The following GNAI2 variants were observed in gnomAD, a reference collection of about 807,000 sequenced individuals.
GNAI2 encodes the protein guanine nucleotide-binding protein G(i) subunit alpha-2.
GNAI2 carries 4 observed loss-of-function variants against 36.8 expected under a neutral mutation model. That is an observed-to-expected ratio of 0.11 (90% CI 0.05 to 0.25). The LOEUF is 0.25. GNAI2 is among the 10% of genes least tolerant of loss of function. The pLI is 1.00. For synonymous variants in GNAI2, 194 were observed against 194.1 expected, an observed-to-expected ratio of 1.00 and a Z score of 0.01; for missense variants, 230 against 481.3, an observed-to-expected ratio of 0.48 and a Z score of 4.89.
chr3:50,244,368 C>T (rs587632520), intron 1 of GNAI2, among the ~76,000 whole-genome samples: 10 of 152,208 alleles, frequency 6.6e-5, no homozygotes, highest in East Asian at 3.9e-4. Context: ...TCTCCTAGTC[C>T]GTATCCTCTC....
chr3:50,246,196 G>T (rs1553701754), intron 1 of GNAI2, among the ~76,000 whole-genome samples: 1 of 152,230 alleles, frequency 6.6e-6, no homozygotes, highest in African/African-American at 2.4e-5. Flanking sequence ...CGTTGCCATG[G>T]TTTCTGTGTG....
Position 50,236,480 on chromosome 3 carries a change from C to T in GNAI2, c.118+27C>T, listed in dbSNP as rs1553700410. ...TGAGGCCGCGTCCCGCACTGGGATCCTTGATTCCCAGCTCGAATCCCCAGA... is the reference window on the plus strand; with the variant it reads ...TGAGGCCGCGTCCCGCACTGGGATCTTTGATTCCCAGCTCGAATCCCCAGA... On this transcript the variant is annotated intron_variant, in intron 1 of 8. Coordinates refer to ENST00000313601, the MANE Select transcript of GNAI2 (RefSeq NM_002070.4). This position sits in a 1 kb window ranked among gnomAD's most constrained non-coding sequence, Gnocchi z 4.0. 4 of 1,561,756 alleles carry T rather than the reference C, an allele frequency of 2.6e-6. No homozygotes were observed. Among genetic ancestry groups the T allele is most frequent in the Non-Finnish European group, 3.5e-6 (4 of 1,159,168 alleles).
chr3:50,258,944 AT>A lies in GNAI2; in HGVS notation c.*604del. On this transcript the variant is annotated 3_prime_UTR_variant, in exon 9 of 9. Coordinates refer to ENST00000313601, the MANE Select transcript of GNAI2 (RefSeq NM_002070.4). ...CTAGAAAACTTTTTAGAGAAAAACT[AT>A]TTAAAACTGTCAGATCCTGACCAGC... is the stretch of plus-strand genomic sequence containing the variant. 4.5e-6 allele frequency: 2 copies of A among 448,440 alleles called. No individual in the cohort carries two copies. The highest frequency in any genetic ancestry group is 8.9e-6 in the Non-Finnish European group (2 of 224,942). The allele number at this position is 448,440 out of a possible 1,614,324, so 27.8% of individuals were successfully genotyped here.
upstream of GNAI2, among the ~76,000 whole-genome samples, chr3:50,228,409 C>G (rs1295695993): frequency 6.6e-6 from 1 of 152,088 alleles, no homozygotes; most frequent in Admixed American, 6.6e-5. Flanking sequence ...AAAAAATTAG[C>G]TGGGCGTGGG....
chr3:50,239,913 AG>A (rs782629522), intron 1 of GNAI2: 1 of 152,256 alleles, frequency 6.6e-6, no homozygotes, highest in Non-Finnish European at 1.5e-5. Context: ...CTCAGACCAG[AG>A]CAATGCTGTG....
At chr3:50,251,107 G>A (rs1200093550) in intron 1 of GNAI2, among the ~76,000 whole-genome samples, 5 of 152,044 alleles carry the variant, frequency 3.3e-5, no homozygotes, top group Non-Finnish European at 5.9e-5. Context: ...CACCACTCCC[G>A]GCGGAATCTG....
chr3:50,236,500 C>G lies in GNAI2; in HGVS notation c.118+47C>G, dbSNP rs782766884. ...GGATCCTTGATTCCCAGCTCGAATC[C>G]CCAGACAAGGACTTTGACCTCCCAG... On this transcript the variant is annotated intron_variant, in intron 1 of 8. Transcript: ENST00000313601. The surrounding 1 kb of genome is among the most constrained non-coding windows in gnomAD (Gnocchi z 4.0). The G allele has an allele frequency of 4.5e-6, 7 of 1,554,330 alleles. No individual in the cohort carries two copies. The highest frequency in any genetic ancestry group is 4.1e-5 in the Admixed American group (2 of 49,232).
rs1700618423 is a variant in GNAI2, at chr3:50,253,612, AG to A, written c.464+431del. On this transcript the variant is annotated intron_variant, in intron 4 of 8. Coordinates refer to ENST00000313601, the MANE Select transcript of GNAI2 (RefSeq NM_002070.4). The surrounding 1 kb of genome is among the most constrained non-coding windows in gnomAD (Gnocchi z 4.2). ...ACAAAAAATTAGCCGGGCGTGGTGG[AG>A]GGCGCCTGTAGTCCCAGCTACTCAG... Among the ~76,000 whole-genome samples, 3 of 151,998 alleles carry A rather than the reference AG, an allele frequency of 2.0e-5. No individual in the cohort carries two copies. The highest frequency in any genetic ancestry group is 1.5e-5 in the Non-Finnish European group (1 of 67,972).
In GNAI2 at chr3:50,242,282, A is replaced by C. The variant is rs1553701248; in HGVS notation, c.118+5829A>C. 6.6e-6 allele frequency among the ~76,000 whole-genome samples: 1 copy of C among 151,454 alleles called. No individual in the cohort carries two copies. Among genetic ancestry groups the C allele is most frequent in the Non-Finnish European group, 1.5e-5 (1 of 67,884 alleles). On this transcript the variant is annotated intron_variant, in intron 1 of 8. Transcript: ENST00000313601. The surrounding 1 kb of genome is among the most constrained non-coding windows in gnomAD (Gnocchi z 4.8). ...CTACATCCCGTTGTGCTGTGGGGGG[A>C]GGCAGGACCGGGCAGATGGGGGCAA...
chr3:50,230,261 G>A (rs782443224), upstream of GNAI2: 58 of 152,424 alleles, frequency 3.8e-4, no homozygotes, highest in Admixed American at 3.7e-3. Flanking sequence ...GGAAAGCGCA[G>A]GAGTTGAACC....
In GNAI2 at chr3:50,241,705, G is replaced by T. The variant is rs754353387; in HGVS notation, c.118+5252G>T. On this transcript the variant is annotated intron_variant, in intron 1 of 8. Transcript: ENST00000313601. The surrounding 1 kb of genome is among the most constrained non-coding windows in gnomAD (Gnocchi z 5.0). Reference sequence around the variant, plus strand: ...GCAGGAGGTGGAAGTCAAACCAGTTGCGGGACACAGGCTTCCATGTCAGAA... The same window carrying T: ...GCAGGAGGTGGAAGTCAAACCAGTTTCGGGACACAGGCTTCCATGTCAGAA... Among the ~76,000 whole-genome samples the T allele has an allele frequency of 8.5e-5, 13 of 152,208 alleles. No homozygotes were observed. The highest frequency in any genetic ancestry group is 1.6e-4 in the Non-Finnish European group (11 of 68,032).
At chr3:50,227,731 G>A (rs1378623853), upstream of GNAI2, among the ~76,000 whole-genome samples, 1 of 152,228 alleles carries the variant, frequency 6.6e-6, no homozygotes, top group African/African-American at 2.4e-5. The surrounding 1 kb of genome is among the most constrained non-coding windows in gnomAD (Gnocchi z 5.9). Flanking sequence ...GGACAAGGGG[G>A]AAAATAAGAA....
At chr3:50,231,032 C>T (rs763018844) in intron 1 of GNAI2, 120 of 837,040 alleles carry the variant, frequency 1.4e-4, no homozygotes, top group Admixed American at 6.8e-4. Context: ...TTAATTTTCT[C>T]GCTAGCCCTT....
At chr3:50,236,115 C>A (rs587763064), upstream of GNAI2, 1 of 1,027,626 alleles carries the variant, frequency 9.7e-7, no homozygotes, top group Non-Finnish European at 1.2e-6. The surrounding 1 kb of genome is among the most constrained non-coding windows in gnomAD (Gnocchi z 4.0). Context: ...GCAAGCCCGC[C>A]CCGGCCCAGT....
upstream of GNAI2, among the ~76,000 whole-genome samples, chr3:50,233,676 C>T (rs1406583366): frequency 6.6e-6 from 1 of 152,102 alleles, no homozygotes; most frequent in African/African-American, 2.4e-5. Context: ...ATGTTGCATG[C>T]CCATGGCAGG....
At chr3:50,251,449 G>A (rs868908170) in intron 1 of GNAI2, 31 of 1,050,286 alleles carry the variant, frequency 3.0e-5, no homozygotes, top group Middle Eastern at 8.8e-4. Flanking sequence ...GAGATACGCC[G>A]CAGGTCTCCC....
chr3:50,235,160 C>T (rs2109177392), upstream of GNAI2: 1 of 152,256 alleles, frequency 6.6e-6, no homozygotes, highest in South Asian at 2.1e-4. Flanking sequence ...CATCCTCTCT[C>T]CCTTTCTCCC....
chr3:50,254,439 G>T (rs1417952857), intron 4 of GNAI2, among the ~76,000 whole-genome samples: 1 of 152,158 alleles, frequency 6.6e-6, no homozygotes, highest in Non-Finnish European at 1.5e-5. Context: ...AAGGGTGGGT[G>T]GGAGGAGGAG....
chr3:50,259,035 C>T lies in GNAI2; in HGVS notation c.*692C>T, dbSNP rs1258518164. ...TTGAGTGTGTCTGCGTGTTTACACC[C>T]GTCCCTCTGCTGGCCGCCCCCGTGC... On this transcript the variant is annotated 3_prime_UTR_variant, in exon 9 of 9. Transcript: ENST00000313601. 5 of 415,196 alleles carry T rather than the reference C, an allele frequency of 1.2e-5. No individual in the cohort carries two copies. The highest frequency in any genetic ancestry group is 7.1e-5 in the East Asian group (1 of 14,032). 25.7% of individuals were successfully genotyped at this position (415,196 alleles called of 1,614,324 possible). A position where few individuals can be genotyped will look rare whatever the true frequency, so the allele number is the denominator to read the frequency against.
Sources: gnomAD v4.1 joint callset for allele counts (sites outside exome capture counted in the v4.1 genomes callset) on GRCh38, gnomAD v4.1.1 for gene constraint, Gnocchi (gnomAD v3.1) non-coding constraint, MANE v1.5 for transcripts, NCBI Gene and HGNC (gene_info 2026-07-23, HGNC 2026-07-21) for gene names.